The following UGGT2 variants were observed in gnomAD, a reference collection of about 807,000 sequenced individuals.
UGGT2 encodes the protein UDP-glucose:glycoprotein glucosyltransferase 2.
UGGT2 carries 180 observed loss-of-function variants against 192.1 expected under a neutral mutation model. The ratio of observed to expected loss-of-function variants is 0.94; its 90% confidence interval spans 0.83 to 1.06. The LOEUF (loss-of-function observed/expected upper bound fraction) is 1.06. Ranked by LOEUF, UGGT2 falls within the 50% of genes least tolerant of loss-of-function variation. UGGT2 has a pLI of 0.00. For missense variants in UGGT2, 1,849 were observed against 1,795.7 expected (o/e 1.03, Z -0.54); for synonymous variants, 580 against 591.0 (o/e 0.98, Z 0.27).
chr13:96,030,727 A>G (rs2052807896), intron 2 of UGGT2, among the ~76,000 whole-genome samples: 1 of 152,218 alleles, frequency 6.6e-6, no homozygotes, highest in African/African-American at 2.4e-5. Context: ...AAGGGATTCC[A>G]TGCTCATGTC....
chr13:96,028,867 G>A lies in UGGT2; in HGVS notation c.241+3022C>T, dbSNP rs1477349304. On this transcript the variant is annotated intron_variant, in intron 2 of 38. Transcript: ENST00000376747. ...TTCAGTAAAATCTGCTCATTAGGCC[G>A]GGCACGGTGGCTCACACCTGTAAAT... 5.3e-5 allele frequency among the ~76,000 whole-genome samples: 8 copies of A among 152,078 alleles called. No individual in the cohort carries two copies. The East Asian group carries it at 7.7e-4, about 15-fold the overall frequency.
intron 5 of UGGT2, among the ~76,000 whole-genome samples, chr13:96,002,646 C>T (rs1345871053): frequency 1.3e-5 from 2 of 152,182 alleles, no homozygotes; most frequent in Admixed American, 6.5e-5. Context: ...TATGCCAACA[C>T]ACTCAAGAAT....
At chr13:95,996,739 A>G (rs909104326) in intron 6 of UGGT2, among the ~76,000 whole-genome samples, 1 of 152,188 alleles carries the variant, frequency 6.6e-6, no homozygotes, top group Non-Finnish European at 1.5e-5. Context: ...CCTGTAACAA[A>G]TGCTGGGTTT....
intron 38 of UGGT2, among the ~76,000 whole-genome samples, chr13:95,828,617 G>C (rs1480944398): frequency 2.0e-5 from 3 of 152,056 alleles, no homozygotes; most frequent in Non-Finnish European, 2.9e-5. Flanking sequence ...GACTAAACCA[G>C]GAAGAAGTTG....
intron 2 of UGGT2, among the ~76,000 whole-genome samples, chr13:96,028,425 A>C (rs2052730818): frequency 6.6e-6 from 1 of 152,256 alleles, no homozygotes; most frequent in Non-Finnish European, 1.5e-5. Flanking sequence ...TTATATGCTG[A>C]GCAGCATGTG....
chr13:95,997,119 T>C (rs1439645890), intron 6 of UGGT2, among the ~76,000 whole-genome samples: 3 of 152,148 alleles, frequency 2.0e-5, no homozygotes, highest in African/African-American at 7.2e-5. Flanking sequence ...GGTACTTTGA[T>C]CTAGTCATCC....
At chr13:96,025,936 A>G (rs927985136) in intron 2 of UGGT2, among the ~76,000 whole-genome samples, 18 of 152,152 alleles carry the variant, frequency 1.2e-4, no homozygotes, top group Non-Finnish European at 2.4e-4. Flanking sequence ...AACAAATAAA[A>G]AGGAGAGAAG....
At chr13:95,981,547 T>C (rs1846348428) in intron 10 of UGGT2, among the ~76,000 whole-genome samples, 1 of 152,072 alleles carries the variant, frequency 6.6e-6, no homozygotes. Context: ...ATTTCTTAAG[T>C]AAATCCTTAA....
At position 95,877,323 on chromosome 13, in the gene UGGT2, C is replaced by T; in HGVS notation, c.3429G>A (p.Leu1143=). The T allele has an allele frequency of 3.1e-6, 5 of 1,607,884 alleles. No individual in the cohort carries two copies. Among genetic ancestry groups the T allele is most frequent in the Non-Finnish European group, 4.2e-6 (5 of 1,177,902 alleles). The part of the protein sequence containing the change: ...QLKANPGAWI[L]RLHQGKSEDI... Reference sequence around the variant, plus strand: ...CTTCAGATTTTCCTTGGTGTAACCTCAGTATCCAAGCACCTGGGTTTGCTT... The same window carrying T: ...CTTCAGATTTTCCTTGGTGTAACCTTAGTATCCAAGCACCTGGGTTTGCTT... Residue 1143 remains leucine (L), a synonymous_variant, in exon 29 of 39, where the codon CTG becomes CTA. Coordinates refer to ENST00000376747, the MANE Select transcript of UGGT2 (RefSeq NM_020121.4).
intron 20 of UGGT2, among the ~76,000 whole-genome samples, chr13:95,909,607 TGGGGGGA>T (rs1258593019): frequency 2.1e-5 from 1 of 48,554 alleles, no homozygotes; most frequent in South Asian, 8.8e-4. Context: ...TGTTGTGGGG[TGGGGGGA>T]GGGGGGAGGG....
At chr13:95,863,134 A>G (rs1566605600) in intron 31 of UGGT2, among the ~76,000 whole-genome samples, 1 of 152,182 alleles carries the variant, frequency 6.6e-6, no homozygotes, top group Non-Finnish European at 1.5e-5. Context: ...AAGTGCTAGG[A>G]TTACAGGTGT....
At chr13:95,810,768 A>C (rs1375002655) in intron 38 of UGGT2, among the ~76,000 whole-genome samples, 3 of 152,252 alleles carry the variant, frequency 2.0e-5, no homozygotes, top group Non-Finnish European at 4.4e-5. Context: ...AAAAAACCTG[A>C]GTATCAAAAA....
chr13:95,828,084 T>G (rs1024094535), intron 38 of UGGT2, among the ~76,000 whole-genome samples: 1 of 152,264 alleles, frequency 6.6e-6, no homozygotes, highest in East Asian at 1.9e-4. Flanking sequence ...GTTTTCATTC[T>G]GTTTCCTCAT....
At chr13:95,833,789 T>A (rs1414729197) in intron 37 of UGGT2, among the ~76,000 whole-genome samples, 1 of 152,116 alleles carries the variant, frequency 6.6e-6, no homozygotes, top group East Asian at 1.9e-4. Context: ...ATATAAAAAA[T>A]GGATTTGCCA....
chr13:95,837,775 G>A (rs1191918709), intron 36 of UGGT2, among the ~76,000 whole-genome samples: 1 of 152,086 alleles, frequency 6.6e-6, no homozygotes, highest in Non-Finnish European at 1.5e-5. Flanking sequence ...TATATTCCAG[G>A]GGTGGAGTCC....
At chr13:95,986,715 C>G (rs2051302370) in intron 8 of UGGT2, among the ~76,000 whole-genome samples, 1 of 151,954 alleles carries the variant, frequency 6.6e-6, no homozygotes, top group Non-Finnish European at 1.5e-5. Flanking sequence ...TCTCGCAAAG[C>G]TTTTTCTATA....
rs975164900 is a variant in UGGT2 at position 96,053,381 on chromosome 13, G to A, written c.-69C>T. On this transcript the variant is annotated 5_prime_UTR_variant, in exon 1 of 39. Transcript: ENST00000376747. ...AGTCTGTGGCCGCCACGCTTCGGCC[G>A]GCTCTTCCCGCTGCGCGGCTGCCCA... The A allele has an allele frequency of 2.6e-6, 4 of 1,521,478 alleles. No homozygotes were observed. Among genetic ancestry groups the A allele is most frequent in the Admixed American group, 4.1e-5 (2 of 48,478 alleles). The allele number at this position is 1,521,478 out of a possible 1,614,324, so 94.2% of individuals were successfully genotyped here. A position where few individuals can be genotyped will look rare whatever the true frequency, so the allele number is the denominator to read the frequency against.
At position 95,856,442 on chromosome 13, in the gene UGGT2, T is replaced by C. The variant is rs374989722; in HGVS notation, c.3826-102A>G. On this transcript the variant is annotated intron_variant, in intron 33 of 38. Transcript: ENST00000376747. ...AAAGGTAAAGCTTCCTATAAATTGT[T>C]ATAAACTAATAGGCAAGATGTCTAA... The C allele has an allele frequency of 4.6e-4, 546 of 1,199,928 alleles. 1 individual carries two copies. The African/African-American group carries it at 7.9e-3, about 17-fold the overall frequency. The allele number at this position is 1,199,928 out of a possible 1,614,324, so 74.3% of individuals were successfully genotyped here. A position where few individuals can be genotyped will look rare whatever the true frequency, so the allele number is the denominator to read the frequency against.
intron 5 of UGGT2, 114 bp downstream of exon 5, chr13:96,013,193 A>C: frequency 9.3e-7 from 1 of 1,080,116 alleles, no homozygotes; most frequent in Non-Finnish European, 1.3e-6. Context: ...TTAAGTTAAA[A>C]AAAGTTAGAT....
Sources: gnomAD v4.1 joint callset for allele counts (sites outside exome capture counted in the v4.1 genomes callset) on GRCh38, gnomAD v4.1.1 for gene constraint, MANE v1.5 for transcripts, NCBI Gene and HGNC (gene_info 2026-07-23, HGNC 2026-07-21) for gene names.